The following MAF variants were observed in gnomAD, a reference collection of about 807,000 sequenced individuals.
MAF encodes the protein transcription factor Maf.
In MAF, 10 loss-of-function variants were observed where a neutral mutation model predicts 22.0. The observed-to-expected ratio is 0.45, with a 90% CI of 0.28 to 0.77. MAF has a LOEUF of 0.77. MAF is among the 30% of genes least tolerant of loss of function. The pLI, the probability that MAF is intolerant of heterozygous loss-of-function variation, is 0.12. For synonymous variants in MAF, 337 were observed against 255.8 expected, an observed-to-expected ratio of 1.32 and a Z score of -3.03; for missense variants, 544 against 548.4, an observed-to-expected ratio of 0.99 and a Z score of 0.08.
At chr16:79,574,928 C>T in the MAF span, among the ~76,000 whole-genome samples, 8 of 152,136 alleles carry the variant, frequency 5.3e-5, no homozygotes, top group South Asian at 2.1e-4. Context: ...TCACCAGCAG[C>T]TTCTTGCCTT....
At chr16:79,260,212 G>A in the MAF span, among the ~76,000 whole-genome samples, 49 of 152,298 alleles carry the variant, frequency 3.2e-4, no homozygotes, top group African/African-American at 1.0e-3. Flanking sequence ...GTGCAGTGGT[G>A]CAGTCGTGGC....
At chr16:79,230,377 C>T in the MAF span, among the ~76,000 whole-genome samples, 1 of 152,238 alleles carries the variant, frequency 6.6e-6, no homozygotes, top group East Asian at 1.9e-4. Flanking sequence ...TACTGAGGCT[C>T]GGAGAGTCAC....
the MAF span, among the ~76,000 whole-genome samples, chr16:79,517,819 C>G: frequency 6.6e-6 from 1 of 152,142 alleles, no homozygotes; most frequent in Non-Finnish European, 1.5e-5. Context: ...AAGTGTTCCA[C>G]CCGCCTCGGC....
At chr16:79,541,591 A>G in the MAF span, among the ~76,000 whole-genome samples, 1 of 152,056 alleles carries the variant, frequency 6.6e-6, no homozygotes, top group African/African-American at 2.4e-5. Context: ...AGCTGGTGAA[A>G]GACGAGACCC....
the MAF span, among the ~76,000 whole-genome samples, chr16:79,529,285 C>T: frequency 2.6e-5 from 4 of 152,100 alleles, no homozygotes; most frequent in Non-Finnish European, 4.4e-5. Flanking sequence ...CAGATGGATC[C>T]AGTTTGACCC....
At chr16:79,387,290 T>C in the MAF span, among the ~76,000 whole-genome samples, 2 of 152,198 alleles carry the variant, frequency 1.3e-5, no homozygotes, top group African/African-American at 4.8e-5. Context: ...ACCTTCTCCA[T>C]AAGCATGTCT....
chr16:79,243,655 C>T, the MAF span, among the ~76,000 whole-genome samples: 1 of 152,128 alleles, frequency 6.6e-6, no homozygotes, highest in South Asian at 2.1e-4. Context: ...GAGCTGGTAC[C>T]ATTCCCTCTA....
the MAF span, among the ~76,000 whole-genome samples, chr16:79,498,943 T>C: frequency 6.6e-6 from 1 of 152,166 alleles, no homozygotes; most frequent in Non-Finnish European, 1.5e-5. Flanking sequence ...AAGGCAGATG[T>C]GTAGCAAGGA....
the MAF span, among the ~76,000 whole-genome samples, chr16:79,213,373 G>A: frequency 3.5e-4 from 53 of 152,272 alleles, no homozygotes; most frequent in East Asian, 1.4e-3. Context: ...TCTTCCTTAC[G>A]TAATCCTTAT....
the MAF span, among the ~76,000 whole-genome samples, chr16:79,298,780 T>G: frequency 6.6e-6 from 1 of 152,238 alleles, no homozygotes; most frequent in Non-Finnish European, 1.5e-5. Context: ...GAAGCTGGTG[T>G]GGACACCCAG....
the MAF span, among the ~76,000 whole-genome samples, chr16:79,325,997 G>T: frequency 6.6e-6 from 1 of 152,218 alleles, no homozygotes; most frequent in Non-Finnish European, 1.5e-5. Context: ...TAACCTGCAA[G>T]ATCTTGCTTC....
the MAF span, among the ~76,000 whole-genome samples, chr16:79,256,711 G>A: frequency 3.9e-5 from 6 of 152,080 alleles, no homozygotes; most frequent in East Asian, 5.8e-4. Context: ...TCTGTTCACC[G>A]GCACTCAATT....
chr16:79,215,889 G>C, the MAF span, among the ~76,000 whole-genome samples: 1 of 152,134 alleles, frequency 6.6e-6, no homozygotes, highest in African/African-American at 2.4e-5. Context: ...GATGAACTGA[G>C]GCCCCGTAAC....
the MAF span, among the ~76,000 whole-genome samples, chr16:79,244,291 T>C: frequency 1.3e-5 from 2 of 152,042 alleles, no homozygotes; most frequent in Non-Finnish European, 2.9e-5. Flanking sequence ...TGTTTGCAGA[T>C]GACATGATTG....
chr16:79,211,922 A>ACTCTGTT, the MAF span: 4 of 1,542,590 alleles, frequency 2.6e-6, no homozygotes, highest in Admixed American at 2.0e-5. Context: ...AAATAAGAGC[A>ACTCTGTT]GTCACAACAG....
At chr16:79,307,203 G>T in the MAF span, among the ~76,000 whole-genome samples, 1 of 152,212 alleles carries the variant, frequency 6.6e-6, no homozygotes. Context: ...ACTGAGGCTT[G>T]GGTGGCTCTG....
At chr16:79,411,410 C>A in the MAF span, among the ~76,000 whole-genome samples, 1 of 152,178 alleles carries the variant, frequency 6.6e-6, no homozygotes, top group Admixed American at 6.5e-5. Flanking sequence ...TCCCCTGAAC[C>A]TTTTATTTTG....
At chr16:79,258,297 G>A in the MAF span, among the ~76,000 whole-genome samples, 7 of 152,294 alleles carry the variant, frequency 4.6e-5, no homozygotes, top group African/African-American at 1.4e-4. Flanking sequence ...TGCAGGGTCC[G>A]GGAGCCAGCC....
chr16:79,369,470 G>A, the MAF span, among the ~76,000 whole-genome samples: 1 of 152,180 alleles, frequency 6.6e-6, no homozygotes, highest in Non-Finnish European at 1.5e-5. Flanking sequence ...TCTCTTTGAG[G>A]ACAGGAGGAT....
Sources: gnomAD v4.1 joint callset for allele counts (sites outside exome capture counted in the v4.1 genomes callset) on GRCh38, gnomAD v4.1.1 for gene constraint, MANE v1.5 for transcripts, NCBI Gene and HGNC (gene_info 2026-07-23, HGNC 2026-07-21) for gene names.